The following LRP5 variants were observed in gnomAD, a reference collection of about 807,000 sequenced individuals.
The protein encoded by LRP5 is low-density lipoprotein receptor-related protein 5.
In LRP5, 62 loss-of-function variants were observed where a neutral mutation model predicts 154.1. That is an observed-to-expected ratio of 0.40 (90% CI 0.33 to 0.50). The LOEUF is 0.50. Among genes scored for constraint, LRP5 ranks in the 20% least tolerant of loss-of-function variants. The pLI, the probability that LRP5 is intolerant of heterozygous loss-of-function variation, is 0.55. For missense variants in LRP5, 1,915 were observed against 2,336.7 expected (o/e 0.82, Z 3.72); for synonymous variants, 966 against 1,011.5 (o/e 0.96, Z 0.85).
At position 68,426,594 on chromosome 11, in the gene LRP5, AT is replaced by A. The variant is rs34165724; in HGVS notation, c.3637+416del. On this transcript the variant is annotated intron_variant, in intron 16 of 22. Coordinates refer to ENST00000294304, the MANE Select transcript of LRP5 (RefSeq NM_002335.4). Reference sequence around the variant, plus strand: ...AGGTGGGCACCACCACACCTGGCTAATTTTTTTTTGTAGAGACGGGGTTTCC... The same window carrying A: ...AGGTGGGCACCACCACACCTGGCTAATTTTTTTTGTAGAGACGGGGTTTCC... Among the ~76,000 whole-genome samples the A allele has an allele frequency of 8.6e-5, 13 of 150,510 alleles. 1 individual carries two copies. The highest frequency in any genetic ancestry group is 1.5e-5 in the Non-Finnish European group (1 of 67,522).
intron 2 of LRP5, 130 bp from the exon 3 acceptor site, chr11:68,357,520 T>C (rs1482302829): frequency 7.3e-6 from 6 of 825,112 alleles, no homozygotes; most frequent in Non-Finnish European, 1.0e-5. Context: ...AAACCATACC[T>C]GTTGGTTATT....
intron 1 of LRP5, among the ~76,000 whole-genome samples, chr11:68,332,005 T>A (rs964772174): frequency 2.0e-5 from 3 of 151,738 alleles, no homozygotes; most frequent in African/African-American, 7.3e-5. Flanking sequence ...GAAGAGGTGG[T>A]GTTATTCTGT....
intron 21 of LRP5, among the ~76,000 whole-genome samples, chr11:68,444,124 C>T (rs1292720853): frequency 6.6e-6 from 1 of 152,130 alleles, no homozygotes; most frequent in South Asian, 2.1e-4. Flanking sequence ...GGCAGAAACT[C>T]TATGAGAATT....
intron 17 of LRP5, among the ~76,000 whole-genome samples, chr11:68,430,057 T>C (rs548452306): frequency 2.0e-5 from 3 of 152,372 alleles, no homozygotes; most frequent in South Asian, 4.1e-4. Flanking sequence ...GCAACTGATT[T>C]CTAATTTAAT....
At chr11:68,400,560 A>AAAAT (rs34152966) in intron 7 of LRP5, among the ~76,000 whole-genome samples, 119,769 of 147,906 alleles carry the variant, frequency 0.81, 50,653 homozygotes, top group East Asian at 0.98. Context: ...GTCTCTACTA[A>AAAAT]AAATAAATAA....
rs576462333 is a variant in LRP5, at chr11:68,341,059, C to CTTTTTTTTT, written c.92-6777_92-6769dup. Among the ~76,000 whole-genome samples the CTTTTTTTTT allele has an allele frequency of 6.6e-4, 55 of 83,452 alleles. 4 individuals carry two copies. Among genetic ancestry groups the CTTTTTTTTT allele is most frequent in the Middle Eastern group, 8.5e-3 (1 of 118 alleles). The allele number at this position is 83,452 out of a possible 152,430, so 54.7% of individuals were successfully genotyped here. ...GTTACCCCTGCCGCTGGAGATTGTT[C>CTTTTTTTTT]TTTTTTTTTTTTTTTTTTTGCTATT... On this transcript the variant is annotated intron_variant, in intron 1 of 22. Coordinates refer to ENST00000294304, the MANE Select transcript of LRP5 (RefSeq NM_002335.4).
chr11:68,311,601 T>A (rs1469466234), upstream of LRP5, among the ~76,000 whole-genome samples: 2 of 152,302 alleles, frequency 1.3e-5, no homozygotes, highest in East Asian at 3.9e-4. Flanking sequence ...ATAAACCCCA[T>A]GAGGGCAGAG....
intron 12 of LRP5, 89 bp downstream of exon 12, chr11:68,414,101 G>C: frequency 7.9e-7 from 1 of 1,259,166 alleles, no homozygotes; most frequent in Non-Finnish European, 1.1e-6. Flanking sequence ...TCTCATCTGG[G>C]GTTCCTGGGT....
intron 9 of LRP5, among the ~76,000 whole-genome samples, chr11:68,408,590 C>T (rs992723399): frequency 1.3e-5 from 2 of 152,116 alleles, no homozygotes; most frequent in Non-Finnish European, 2.9e-5. Context: ...CTCTTCATCA[C>T]AGTCATATGC....
chr11:68,406,958 T>C, intron 9 of LRP5, 145 bp downstream of exon 9: 1 of 725,170 alleles, frequency 1.4e-6, no homozygotes, highest in African/African-American at 2.1e-5. Context: ...TGAGCAAGCC[T>C]ATTTAAAAAA....
intron 5 of LRP5, among the ~76,000 whole-genome samples, chr11:68,369,185 C>T (rs948289301): frequency 6.6e-6 from 1 of 152,136 alleles, no homozygotes; most frequent in Non-Finnish European, 1.5e-5. Context: ...GTCATCCTCC[C>T]GCTATGGGGC....
chr11:68,402,867 C>T (rs2098653374), intron 7 of LRP5, among the ~76,000 whole-genome samples: 1 of 152,208 alleles, frequency 6.6e-6, no homozygotes, highest in African/African-American at 2.4e-5. Context: ...TGCTTCTCAT[C>T]CCAGCACAGG....
At chr11:68,382,881 A>AT (rs34825808) in intron 5 of LRP5, among the ~76,000 whole-genome samples, 1,660 of 147,028 alleles carry the variant, frequency 0.011, 33 homozygotes, top group African/African-American at 0.039. Context: ...TACTTTAATG[A>AT]TTTTTTTTTT....
chr11:68,368,565 GT>G (rs1370503840), intron 5 of LRP5, among the ~76,000 whole-genome samples: 1 of 152,184 alleles, frequency 6.6e-6, no homozygotes, highest in Non-Finnish European at 1.5e-5. Flanking sequence ...TTTTGCAGCG[GT>G]CCCCGCAAAT....
chr11:68,368,790 A>G (rs1438010952), intron 5 of LRP5, among the ~76,000 whole-genome samples: 1 of 150,726 alleles, frequency 6.6e-6, no homozygotes, highest in African/African-American at 2.4e-5. Flanking sequence ...CTGCAGAAGC[A>G]TTTGCGATTG....
At chr11:68,422,894 A>C in intron 13 of LRP5, among the ~76,000 whole-genome samples, 1 of 134,730 alleles carries the variant, frequency 7.4e-6, no homozygotes, top group Non-Finnish European at 1.6e-5. Flanking sequence ...ACCTTCACCT[A>C]ACCCCCACCC....
Position 68,438,481 on chromosome 11 carries a change from C to T in LRP5, c.4147C>T (p.His1383Tyr). 4 of 1,614,228 alleles carry T rather than the reference C, an allele frequency of 2.5e-6. No individual in the cohort carries two copies. The highest frequency in any genetic ancestry group is 3.4e-6 in the Non-Finnish European group (4 of 1,180,048). The part of the protein sequence containing the change: ...TKPPSDDSPA[H>Y]SSAIGPVIGI... ...GCCGCCCTCAGACGACAGCCCGGCCCACAGCAGTGCCATCGGGCCCGTCAT... is the reference window on the plus strand; with the variant it reads ...GCCGCCCTCAGACGACAGCCCGGCCTACAGCAGTGCCATCGGGCCCGTCAT... The change falls in exon 20 of 23, where the codon CAC (histidine) becomes TAC (tyrosine). Residue 1383 changes from histidine (H) to tyrosine (Y), a missense_variant. Physicochemically the swap from His to Tyr is moderately conservative, Grantham distance 83. Around this residue, in one of 3 missense-constraint regions of LRP5, gnomAD observed 1,094 missense variants for 1,210.1 expected, o/e 0.90. Transcript: ENST00000294304.
At chr11:68,394,190 CTT>C (rs1405384872) in intron 7 of LRP5, among the ~76,000 whole-genome samples, 2 of 152,128 alleles carry the variant, frequency 1.3e-5, no homozygotes, top group African/African-American at 4.8e-5. Flanking sequence ...CCTGAAGTCA[CTT>C]TATATCTCAG....
At chr11:68,307,152 A>C in the LRP5 span, among the ~76,000 whole-genome samples, 1 of 152,042 alleles carries the variant, frequency 6.6e-6, no homozygotes, top group Non-Finnish European at 1.5e-5. Context: ...ATTGCACTCC[A>C]GCCTGAGCAA....
Sources: gnomAD v4.1 joint callset for allele counts (sites outside exome capture counted in the v4.1 genomes callset) on GRCh38, gnomAD v4.1.1 for gene constraint, gnomAD v4.1.1 regional missense constraint, MANE v1.5 for transcripts, NCBI Gene and HGNC (gene_info 2026-07-23, HGNC 2026-07-21) for gene names.